The following FRMD4A variants were observed in gnomAD, a reference collection of about 807,000 sequenced individuals.
The protein encoded by FRMD4A is FERM domain-containing protein 4A.
FRMD4A carries 29 observed loss-of-function variants against 129.1 expected under a neutral mutation model. The observed-to-expected ratio is 0.22, with a 90% CI of 0.17 to 0.31. The LOEUF is 0.31. Ranked by LOEUF, FRMD4A falls within the 10% of genes least tolerant of loss-of-function variation. FRMD4A has a pLI of 1.00. For synonymous variants in FRMD4A, 634 were observed against 571.6 expected, an observed-to-expected ratio of 1.11 and a Z score of -1.56; for missense variants, 1,272 against 1,375.8, an observed-to-expected ratio of 0.92 and a Z score of 1.19.
At chr10:13,783,666 C>G (rs1179700282) in intron 5 of FRMD4A, among the ~76,000 whole-genome samples, 3 of 152,068 alleles carry the variant, frequency 2.0e-5, no homozygotes, top group African/African-American at 7.2e-5. Context: ...CTGTGCCCAG[C>G]CAAGTTGGAT....
At chr10:14,025,716 A>C (rs191747927) in intron 2 of FRMD4A, among the ~76,000 whole-genome samples, 1 of 152,152 alleles carries the variant, frequency 6.6e-6, no homozygotes, top group Admixed American at 6.5e-5. Context: ...CCTGGCCATC[A>C]TCATTCTACT....
chr10:13,853,360 A>G (rs1441874516), intron 3 of FRMD4A, among the ~76,000 whole-genome samples: 1 of 152,216 alleles, frequency 6.6e-6, no homozygotes, highest in East Asian at 1.9e-4. Flanking sequence ...CAGCCTGGGC[A>G]GCAGAGGGAG....
intron 2 of FRMD4A, among the ~76,000 whole-genome samples, chr10:13,863,012 A>T (rs191623990): frequency 8.6e-5 from 13 of 151,748 alleles, no homozygotes; most frequent in African/African-American, 2.9e-4. Flanking sequence ...TCACCCTCAA[A>T]GGAAATCCTT....
chr10:14,176,560 C>T (rs371111720), intron 2 of FRMD4A, among the ~76,000 whole-genome samples: 25 of 150,084 alleles, frequency 1.7e-4, no homozygotes, highest in African/African-American at 5.2e-4. Flanking sequence ...CTGCTATCTC[C>T]GCCTCCCAGG....
chr10:14,325,425 A>T (rs1030194134), intron 2 of FRMD4A, among the ~76,000 whole-genome samples: 2 of 152,176 alleles, frequency 1.3e-5, no homozygotes, highest in Non-Finnish European at 2.9e-5. Flanking sequence ...CCCAAACAAG[A>T]TCCAGACTTT....
rs1369431420 is a variant in FRMD4A, at chr10:13,644,835, T to C, written c.*2203A>G. On this transcript the variant is annotated 3_prime_UTR_variant, in exon 25 of 25. Coordinates refer to ENST00000357447, the MANE Select transcript of FRMD4A (RefSeq NM_018027.5). The stretch of plus-strand genomic sequence containing the variant: ...TCACTGTTCTTTGTAGCTCTAACCA[T>C]GAAAGTAAAAGCAACAAAAATATCC... 6.6e-6 allele frequency: 1 copy of C among 152,118 alleles called. No homozygotes were observed. Among genetic ancestry groups the C allele is most frequent in the Non-Finnish European group, 1.5e-5 (1 of 68,010 alleles). 9.4% of individuals were successfully genotyped at this position (152,118 alleles called of 1,614,324 possible).
Position 13,740,529 on chromosome 10 carries a change from T to A in FRMD4A, c.597A>T (p.Arg199Ser). 6.3e-7 allele frequency: 1 copy of A among 1,589,854 alleles called. No individual in the cohort carries two copies. The highest frequency in any genetic ancestry group is 8.6e-7 in the Non-Finnish European group (1 of 1,159,926). The change falls in exon 10 of 25, where the codon AGA (arginine) becomes AGT (serine). Residue 199 changes from arginine to serine, a missense_variant. By Grantham distance (110) the Arg-to-Ser change is moderately radical. Transcript: ENST00000357447. Reference sequence around the variant, plus strand: ...CCACTTACTTTACGATTGCTTGACCTCTTGTCTGACCGTTCAGTTTCTTGT... The same window carrying A: ...CCACTTACTTTACGATTGCTTGACCACTTGTCTGACCGTTCAGTTTCTTGT... ...EHYKKLNGQT[R>S]GQAIVNYMSI...
chr10:13,655,607 G>A (rs945496523), intron 22 of FRMD4A: 3 of 150,596 alleles, frequency 2.0e-5, no homozygotes, highest in Non-Finnish European at 4.4e-5. Context: ...GGGCATCCAG[G>A]TTCTTCCTTC....
intron 2 of FRMD4A, among the ~76,000 whole-genome samples, chr10:13,879,900 C>T (rs1271079255): frequency 6.6e-6 from 1 of 151,808 alleles, no homozygotes; most frequent in African/African-American, 2.4e-5. Context: ...CCTACCTCAG[C>T]CTCCCAAGTT....
At chr10:14,097,214 A>G (rs1255357887) in intron 2 of FRMD4A, 1 of 150,740 alleles carries the variant, frequency 6.6e-6, no homozygotes, top group Non-Finnish European at 1.5e-5. Flanking sequence ...CCTGGCATAT[A>G]TGCTATGGAT....
chr10:13,888,952 A>T (rs1400339937), intron 2 of FRMD4A, among the ~76,000 whole-genome samples: 1 of 152,240 alleles, frequency 6.6e-6, no homozygotes, highest in African/African-American at 2.4e-5. Context: ...TTGCTCCATT[A>T]TACTTTCATT....
intron 15 of FRMD4A, among the ~76,000 whole-genome samples, chr10:13,688,012 C>G (rs1406544515): frequency 6.6e-6 from 1 of 152,154 alleles, no homozygotes; most frequent in Non-Finnish European, 1.5e-5. Context: ...CTACGGGATT[C>G]AGGGCCCTGA....
At chr10:14,226,226 T>C (rs1038145386) in intron 2 of FRMD4A, among the ~76,000 whole-genome samples, 2 of 152,206 alleles carry the variant, frequency 1.3e-5, no homozygotes, top group Non-Finnish European at 2.9e-5. Flanking sequence ...ATCTAGGTTT[T>C]AAGCCCCGCA....
chr10:13,705,387 G>A (rs2087323088), intron 13 of FRMD4A, among the ~76,000 whole-genome samples: 1 of 152,132 alleles, frequency 6.6e-6, no homozygotes, highest in Non-Finnish European at 1.5e-5. Context: ...CGTGGTTAAA[G>A]GATTTGTCCA....
intron 2 of FRMD4A, among the ~76,000 whole-genome samples, chr10:13,950,660 C>T (rs2095364691): frequency 6.6e-6 from 1 of 152,220 alleles, no homozygotes; most frequent in South Asian, 2.1e-4. Context: ...ACTCTAGCCA[C>T]ACTGTCTTCC....
intron 2 of FRMD4A, among the ~76,000 whole-genome samples, chr10:13,915,669 CAAA>C (rs68011803): frequency 8.2e-5 from 10 of 122,032 alleles, no homozygotes; most frequent in African/African-American, 6.1e-5. Flanking sequence ...GACTCTATCT[CAAA>C]AAAAAAAAAA....
At chr10:14,223,847 C>T (rs1360374970) in intron 2 of FRMD4A, among the ~76,000 whole-genome samples, 2 of 151,950 alleles carry the variant, frequency 1.3e-5, no homozygotes, top group East Asian at 3.9e-4. Context: ...CCCACATCTC[C>T]CTGTCGTTGG....
intron 2 of FRMD4A, among the ~76,000 whole-genome samples, chr10:13,926,029 G>A (rs2095130116): frequency 6.6e-6 from 1 of 151,946 alleles, no homozygotes; most frequent in Non-Finnish European, 1.5e-5. Flanking sequence ...TCTCCTATTA[G>A]GCGTCTGTTC....
At chr10:14,095,888 A>G (rs553357447) in intron 2 of FRMD4A, among the ~76,000 whole-genome samples, 5 of 152,240 alleles carry the variant, frequency 3.3e-5, no homozygotes, top group Non-Finnish European at 7.3e-5. Flanking sequence ...CTCACTGTCC[A>G]CGAATCAATA....
Sources: gnomAD v4.1 joint callset for allele counts (sites outside exome capture counted in the v4.1 genomes callset) on GRCh38, gnomAD v4.1.1 for gene constraint, MANE v1.5 for transcripts, NCBI Gene and HGNC (gene_info 2026-07-23, HGNC 2026-07-21) for gene names.